The following NECAB2 variants were observed in gnomAD, a reference collection of about 807,000 sequenced individuals.
NECAB2 encodes N-terminal EF-hand calcium-binding protein 2.
In NECAB2, 68 loss-of-function variants were observed where a neutral mutation model predicts 51.9. That is an observed-to-expected ratio of 1.31 (90% CI 1.08 to 1.60). The LOEUF (loss-of-function observed/expected upper bound fraction) is 1.60, where lower values mean the gene tolerates loss of function less well. Ranked by LOEUF, NECAB2 falls within the 40% of genes most tolerant of loss-of-function variation. NECAB2 has a pLI of 0.00. For synonymous variants in NECAB2, 329 were observed against 203.5 expected (o/e 1.62, Z -5.25); for missense variants, 854 against 490.3 (o/e 1.74, Z -7.00).
At chr16:83,986,163 T>G (rs1214064043) in intron 5 of NECAB2, among the ~76,000 whole-genome samples, 2 of 152,124 alleles carry the variant, frequency 1.3e-5, no homozygotes, top group Non-Finnish European at 2.9e-5. Flanking sequence ...ATTACAGGCG[T>G]GCACCACCAC....
intron 11 of NECAB2, 31 bp from the exon 12 acceptor site, chr16:84,001,794 C>CCCCTGACT: frequency 6.2e-7 from 1 of 1,612,444 alleles, no homozygotes; most frequent in Non-Finnish European, 8.5e-7. Context: ...ACTCCTGCCA[C>CCCCTGACT]CCCTGACTCA....
chr16:83,979,677 G>C (rs2084459661), intron 3 of NECAB2, among the ~76,000 whole-genome samples: 1 of 152,030 alleles, frequency 6.6e-6, no homozygotes, highest in South Asian at 2.1e-4. Flanking sequence ...GGACCAGCGG[G>C]GTAGAGGAGG....
chr16:83,975,133 G>C (rs1597197798), intron 2 of NECAB2, among the ~76,000 whole-genome samples: 1 of 133,600 alleles, frequency 7.5e-6, no homozygotes, highest in African/African-American at 2.9e-5. Context: ...GAGGTGTGCA[G>C]GGATGAGAGC....
intron 5 of NECAB2, among the ~76,000 whole-genome samples, chr16:83,983,189 G>C (rs8052911): frequency 0.27 from 41,285 of 152,128 alleles, 10,422 homozygotes; most frequent in African/African-American, 0.68. Context: ...TATTTCCTAA[G>C]TGGTTTTTGT....
chr16:83,980,938 G>A (rs1321271843), intron 4 of NECAB2, 74 bp downstream of exon 4: 11 of 1,608,786 alleles, frequency 6.8e-6, no homozygotes, highest in Non-Finnish European at 9.4e-6. Context: ...CTGAGGCAGG[G>A]GAGGCTGGAG....
rs763319692 is a variant in NECAB2, at chr16:83,997,226, T to A, written c.806T>A (p.Phe269Tyr). 6.2e-7 allele frequency: 1 copy of A among 1,614,130 alleles called. No homozygotes were observed. The highest frequency in any genetic ancestry group is 8.5e-7 in the Non-Finnish European group (1 of 1,180,022). The change falls in exon 9 of 13, where the codon TTC becomes TAC. Residue 269 changes from phenylalanine to tyrosine, a missense_variant. Transcript: ENST00000305202. The part of the protein sequence containing the change: ...IGRLESKALW[F>Y]DLQQRLSDED... ...GCTGGATTGTTTCAGGCACTGTGGT[T>A]CGACCTGCAGCAGCGCCTGTCAGAT...
At chr16:83,996,866 A>T (rs1468609414) in intron 8 of NECAB2, among the ~76,000 whole-genome samples, 1 of 152,010 alleles carries the variant, frequency 6.6e-6, no homozygotes, top group African/African-American at 2.4e-5. Context: ...AGAACAGTTC[A>T]CCCCATTAGA....
chr16:83,998,649 C>T (rs1259723234), intron 10 of NECAB2, among the ~76,000 whole-genome samples: 2 of 152,186 alleles, frequency 1.3e-5, no homozygotes, highest in South Asian at 4.1e-4. Flanking sequence ...CTGGTGTGCC[C>T]CGTGCGCTCA....
Position 83,979,640 on chromosome 16 carries a change from C to T in NECAB2, c.335+1088C>T, listed in dbSNP as rs866269980. On this transcript the variant is annotated intron_variant, in intron 3 of 12. Coordinates refer to ENST00000305202, the MANE Select transcript of NECAB2 (RefSeq NM_019065.3). ...CCAGGCAGGTGCCCATTGATTTAGA[C>T]CTTCTCTTTCAGGGCCTTTTGTGTT... 9.9e-5 allele frequency among the ~76,000 whole-genome samples: 15 copies of T among 152,076 alleles called. No homozygotes were observed. In the Middle Eastern group the frequency reaches 0.01, roughly 104 times the overall value.
In NECAB2 at chr16:84,000,763, C is replaced by A; in HGVS notation, c.1002C>A (p.Val334=). Residue 334 remains valine (V), a synonymous_variant, in exon 11 of 13, where the codon GTC becomes GTA. Transcript: ENST00000305202. ...AVRLSDGFTF[V]IYEFWETEEA... is the part of the protein sequence containing the mutation. The stretch of plus-strand genomic sequence containing the variant: ...GGCTCTCAGATGGCTTCACCTTTGT[C>A]ATCTATGAGTTCTGGGAGACAGAGG... 1.2e-6 allele frequency: 2 copies of A among 1,613,868 alleles called. No homozygotes were observed. Among genetic ancestry groups the A allele is most frequent in the Non-Finnish European group, 8.5e-7 (1 of 1,180,004 alleles).
At chr16:83,982,938 G>C (rs537568340) in intron 5 of NECAB2, among the ~76,000 whole-genome samples, 33 of 151,018 alleles carry the variant, frequency 2.2e-4, no homozygotes, top group African/African-American at 7.8e-4. Context: ...ATACAATGTC[G>C]CCTCACTGCA....
intron 3 of NECAB2, among the ~76,000 whole-genome samples, chr16:83,980,525 C>T (rs1011529598): frequency 1.2e-4 from 19 of 152,122 alleles, no homozygotes; most frequent in Non-Finnish European, 2.2e-4. Flanking sequence ...TAATGGGTCC[C>T]CACTCTCTGT....
At chr16:83,988,055 A>G (rs2084577361) in intron 5 of NECAB2, among the ~76,000 whole-genome samples, 1 of 152,226 alleles carries the variant, frequency 6.6e-6, no homozygotes, top group Admixed American at 6.5e-5. Flanking sequence ...ATGCTGTTCA[A>G]TCACAGTTGG....
upstream of NECAB2, among the ~76,000 whole-genome samples, chr16:83,966,693 C>T (rs2084284317): frequency 1.3e-5 from 2 of 152,190 alleles, no homozygotes; most frequent in African/African-American, 4.8e-5. Context: ...TGCCCCAAGG[C>T]CTTTGCACAG....
chr16:83,997,110 C>G (rs1027179306), intron 8 of NECAB2, 106 bp from the exon 9 acceptor site: 13 of 1,338,788 alleles, frequency 9.7e-6, no homozygotes, highest in East Asian at 4.6e-5. Flanking sequence ...GCAACAGGGC[C>G]GGGTCCTTGG....
At chr16:83,998,411 T>A in intron 10 of NECAB2, 94 bp downstream of exon 10, 1 of 1,192,636 alleles carries the variant, frequency 8.4e-7, no homozygotes, top group Non-Finnish European at 1.2e-6. Context: ...CCCTAAGTAG[T>A]ACAAGTTGCA....
chr16:83,980,831 C>A lies in NECAB2; in HGVS notation c.336-8C>A. 6.3e-7 allele frequency: 1 copy of A among 1,580,532 alleles called. No individual in the cohort carries two copies. Among genetic ancestry groups the A allele is most frequent in the African/African-American group, 1.4e-5 (1 of 74,014 alleles). On this transcript the variant is annotated splice_region_variant and splice_polypyrimidine_tract_variant and intron_variant, in intron 3 of 12. Coordinates refer to ENST00000305202, the MANE Select transcript of NECAB2 (RefSeq NM_019065.3). ...TCTGTCTGTCTCTGCCTCTGTCTGTCTCTGCAGCCATGTGGACACCAAGGA... is the reference window on the plus strand; with the variant it reads ...TCTGTCTGTCTCTGCCTCTGTCTGTATCTGCAGCCATGTGGACACCAAGGA...
chr16:83,998,971 T>TCCCCCGC (rs1555549588), intron 10 of NECAB2, among the ~76,000 whole-genome samples: 14 of 151,880 alleles, frequency 9.2e-5, no homozygotes, highest in Non-Finnish European at 1.6e-4. Context: ...CTGGTAGTGG[T>TCCCCCGC]CCCCCGCCCC....
intron 11 of NECAB2, among the ~76,000 whole-genome samples, chr16:84,001,181 C>G (rs1423722324): frequency 6.6e-6 from 1 of 151,886 alleles, no homozygotes; most frequent in Non-Finnish European, 1.5e-5. Flanking sequence ...CGACTAACCT[C>G]CCCTCCAGCT....
Sources: allele counts gnomAD v4.1 joint callset (sites outside exome capture counted in the v4.1 genomes callset), GRCh38; gene constraint gnomAD v4.1.1; transcripts MANE v1.5; gene names NCBI Gene and HGNC (gene_info 2026-07-23, HGNC 2026-07-21).